Variants in TCF4 observed in about 807,000 individuals in gnomAD.
TCF4 encodes the protein transcription factor 4.
Under a neutral mutation model 82.1 loss-of-function variants are expected in TCF4, and 3 were observed. The observed-to-expected ratio is 0.04, with a 90% CI of 0.02 to 0.09. TCF4 has a LOEUF of 0.09. Among genes scored for constraint, TCF4 ranks in the 10% least tolerant of loss-of-function variants. The pLI is 1.00. For missense variants in TCF4, 518 were observed against 852.7 expected, an observed-to-expected ratio of 0.61 and a Z score of 4.89; for synonymous variants, 276 against 309.6, an observed-to-expected ratio of 0.89 and a Z score of 1.14.
chr18:55,515,494 C>G (rs2096872478), intron 3 of TCF4, among the ~76,000 whole-genome samples: 2 of 152,196 alleles, frequency 1.3e-5, no homozygotes, highest in Non-Finnish European at 2.9e-5. Flanking sequence ...AGAGGACAAG[C>G]TGGAGGGACA....
At chr18:55,532,646 C>A (rs1227948069) in intron 3 of TCF4, among the ~76,000 whole-genome samples, 3 of 152,332 alleles carry the variant, frequency 2.0e-5, no homozygotes, top group Middle Eastern at 3.4e-3. Flanking sequence ...AGAGGCAGTT[C>A]TAGCTTAAAG....
chr18:55,591,508 TTTTG>T (rs138739177), upstream of TCF4, among the ~76,000 whole-genome samples: 46 of 152,284 alleles, frequency 3.0e-4, no homozygotes, highest in Non-Finnish European at 6.0e-4. Flanking sequence ...GAATTTCTTT[TTTTG>T]TTTGTTTGTT....
chr18:55,407,338 T>C (rs934221661), intron 5 of TCF4, among the ~76,000 whole-genome samples: 3 of 152,184 alleles, frequency 2.0e-5, no homozygotes, highest in African/African-American at 7.2e-5. Flanking sequence ...CATGTAATAC[T>C]ATGTCACAAT....
At chr18:55,242,474 T>C (rs2051570562) in intron 15 of TCF4, among the ~76,000 whole-genome samples, 1 of 152,214 alleles carries the variant, frequency 6.6e-6, no homozygotes, top group Admixed American at 6.5e-5. Flanking sequence ...TATTGCCAAA[T>C]ATACATTTAG....
intron 3 of TCF4, among the ~76,000 whole-genome samples, chr18:55,550,051 G>C (rs558174137): frequency 6.6e-6 from 1 of 152,186 alleles, no homozygotes; most frequent in African/African-American, 2.4e-5. Context: ...ATTAATGTAG[G>C]AACTTTTAAC....
exon 1 of TCF4, chr18:55,635,926 C>T: frequency 6.3e-7 from 1 of 1,577,564 alleles, no homozygotes; most frequent in East Asian, 2.3e-5. Flanking sequence ...GCATAAGTGC[C>T]AATCTACAAG....
chr18:55,589,999 A>G (rs1375658679), upstream of TCF4, among the ~76,000 whole-genome samples: 1 of 152,196 alleles, frequency 6.6e-6, no homozygotes, highest in Non-Finnish European at 1.5e-5. Context: ...GTGGGGCGGC[A>G]CTGTGGGAGT....
intron 8 of TCF4, among the ~76,000 whole-genome samples, chr18:55,304,313 C>A (rs755809483): frequency 6.6e-6 from 1 of 151,884 alleles, no homozygotes; most frequent in Non-Finnish European, 1.5e-5. Flanking sequence ...TATAGGAATT[C>A]GATGTGAGAG....
At chr18:55,246,857 A>G (rs1457096879) in intron 15 of TCF4, among the ~76,000 whole-genome samples, 1 of 152,226 alleles carries the variant, frequency 6.6e-6, no homozygotes, top group African/African-American at 2.4e-5. Context: ...CAAATATCCT[A>G]ATTTAAAGAA....
intron 8 of TCF4, chr18:55,332,313 A>C (rs1030756091): frequency 1.7e-5 from 2 of 118,102 alleles, no homozygotes; most frequent in Middle Eastern, 4.2e-3. Flanking sequence ...GATTTGAGGC[A>C]GTACAGAAAA....
intron 8 of TCF4, among the ~76,000 whole-genome samples, chr18:55,310,782 A>G (rs763421310): frequency 4.6e-5 from 7 of 152,210 alleles, no homozygotes; most frequent in Admixed American, 3.9e-4. Flanking sequence ...AACTTAAAAC[A>G]TAATTATTAA....
intron 5 of TCF4, among the ~76,000 whole-genome samples, chr18:55,429,800 A>C (rs1011610205): frequency 7.2e-6 from 1 of 137,936 alleles, no homozygotes; most frequent in Non-Finnish European, 1.5e-5. Flanking sequence ...CAATTTGGTC[A>C]GTTCATCAGT....
At chr18:55,297,467 A>G (rs1231222231) in intron 8 of TCF4, among the ~76,000 whole-genome samples, 3 of 50,408 alleles carry the variant, frequency 6.0e-5, no homozygotes, top group Admixed American at 4.5e-4. Context: ...GGAGGTGGTG[A>G]GCTAGCTCTT....
At chr18:55,582,350 T>A (rs766947297) in intron 3 of TCF4, among the ~76,000 whole-genome samples, 8 of 152,148 alleles carry the variant, frequency 5.3e-5, no homozygotes, top group Non-Finnish European at 1.0e-4. Flanking sequence ...AACTATTTCT[T>A]AAAAATAATT....
rs1251601856 is a variant in TCF4 at position 55,311,684 on chromosome 18, C to T, written c.550-32028G>A. Reference sequence around the variant, plus strand: ...TCTTATGGCCCTCCATAGTCTTAGCCTCTAACTTTGACACAGGTAATGTAT... The same window carrying T: ...TCTTATGGCCCTCCATAGTCTTAGCTTCTAACTTTGACACAGGTAATGTAT... On this transcript the variant is annotated intron_variant, in intron 8 of 19. Transcript: ENST00000354452. Among the ~76,000 whole-genome samples the T allele has an allele frequency of 2.6e-5, 4 of 152,134 alleles. 1 individual carries two copies. Among genetic ancestry groups the T allele is most frequent in the Admixed American group, 2.6e-4 (4 of 15,270 alleles).
intron 2 of TCF4, among the ~76,000 whole-genome samples, chr18:55,607,131 TTTTA>T (rs1210048042): frequency 6.6e-6 from 1 of 152,160 alleles, no homozygotes; most frequent in African/African-American, 2.4e-5. Context: ...TACGTTCAGA[TTTTA>T]TTTATTTTCC....
chr18:55,479,646 A>G (rs2096378126), intron 3 of TCF4, among the ~76,000 whole-genome samples: 1 of 152,062 alleles, frequency 6.6e-6, no homozygotes. Context: ...GCCTGATGCC[A>G]ATATCTAGTG....
intron 8 of TCF4, among the ~76,000 whole-genome samples, chr18:55,339,841 T>C (rs1280374870): frequency 6.6e-6 from 1 of 152,208 alleles, no homozygotes; most frequent in African/African-American, 2.4e-5. Context: ...AAAAGATACA[T>C]TATAATGCGT....
intron 3 of TCF4, among the ~76,000 whole-genome samples, chr18:55,475,477 A>G (rs2096271826): frequency 6.6e-6 from 1 of 152,208 alleles, no homozygotes; most frequent in Admixed American, 6.5e-5. Flanking sequence ...TCTGCAATGT[A>G]TGATTATAAT....
Sources: gnomAD v4.1 joint callset for allele counts (sites outside exome capture counted in the v4.1 genomes callset) on GRCh38, gnomAD v4.1.1 for gene constraint, MANE v1.5 for transcripts, NCBI Gene and HGNC (gene_info 2026-07-23, HGNC 2026-07-21) for gene names.